CTNNBIP1: variants seen among roughly 807,000 people sequenced by gnomAD.
The protein encoded by CTNNBIP1 is catenin beta interacting protein 1.
Under a neutral mutation model 11.8 loss-of-function variants are expected in CTNNBIP1, and 7 were observed. The ratio of observed to expected loss-of-function variants is 0.60; its 90% CI spans 0.34 to 1.12. CTNNBIP1 has a LOEUF of 1.12. Among genes scored for constraint, CTNNBIP1 ranks in the 50% most tolerant of loss-of-function variants. CTNNBIP1 has a pLI of 0.03. For synonymous variants in CTNNBIP1, 58 were observed against 43.9 expected, an observed-to-expected ratio of 1.32 and a Z score of -1.26; for missense variants, 101 against 113.4, an observed-to-expected ratio of 0.89 and a Z score of 0.50.
At chr1:9,859,520 T>A (rs1250878303) in intron 5 of CTNNBIP1, among the ~76,000 whole-genome samples, 2 of 152,190 alleles carry the variant, frequency 1.3e-5, no homozygotes, top group Non-Finnish European at 2.9e-5. Context: ...GAAAGCCTCC[T>A]GGGGGCCTCT....
At chr1:9,860,415 A>AC (rs1265270535) in intron 5 of CTNNBIP1, among the ~76,000 whole-genome samples, 1 of 142,022 alleles carries the variant, frequency 7.0e-6, no homozygotes, top group African/African-American at 2.6e-5. Flanking sequence ...ACATGGTGAA[A>AC]CCCCGTCTCT....
At chr1:9,864,556 C>T (rs1224418463) in intron 5 of CTNNBIP1, among the ~76,000 whole-genome samples, 1 of 152,174 alleles carries the variant, frequency 6.6e-6, no homozygotes, top group Non-Finnish European at 1.5e-5. Context: ...TCTCAATCTC[C>T]TGACCTCGTG....
chr1:9,852,765 G>T (rs182629376), intron 5 of CTNNBIP1, among the ~76,000 whole-genome samples: 1 of 152,190 alleles, frequency 6.6e-6, no homozygotes, highest in Non-Finnish European at 1.5e-5. Context: ...GTGGCAGCCC[G>T]CTCACTCCTC....
chr1:9,857,692 T>C (rs563094785), intron 5 of CTNNBIP1, among the ~76,000 whole-genome samples: 2 of 152,096 alleles, frequency 1.3e-5, no homozygotes, highest in Admixed American at 6.6e-5. Context: ...TCCCAGCTAC[T>C]GGGGAGGCTG....
chr1:9,884,257 AC>A (rs1639139636), intron 1 of CTNNBIP1, among the ~76,000 whole-genome samples: 1 of 152,098 alleles, frequency 6.6e-6, no homozygotes, highest in African/African-American at 2.4e-5. Context: ...TCCCCAGCCC[AC>A]AGCAGGGAGG....
intron 5 of CTNNBIP1, among the ~76,000 whole-genome samples, chr1:9,866,107 A>G (rs1329976093): frequency 1.3e-5 from 2 of 152,260 alleles, no homozygotes; most frequent in Admixed American, 1.3e-4. Flanking sequence ...CCACAGTTCC[A>G]AGCTCAAGGA....
rs1638882554 is a variant in CTNNBIP1 at position 9,872,375 on chromosome 1, A to C, written c.-24-287T>G. Among the ~76,000 whole-genome samples the C allele has an allele frequency of 1.3e-5, 2 of 152,194 alleles. No individual in the cohort carries two copies. The highest frequency in any genetic ancestry group is 1.3e-4 in the Admixed American group (2 of 15,282). On this transcript the variant is annotated intron_variant, in intron 3 of 5. Transcript: ENST00000377263. The surrounding 1 kb of genome is among the most constrained non-coding windows in gnomAD (Gnocchi z 4.0). ...GTCCAGGAAAACTGAGATGACCTGG[A>C]CTGCTGGTTGTTTCTACCTGTGAAT...
intron 5 of CTNNBIP1, among the ~76,000 whole-genome samples, chr1:9,865,211 AGAGT>A (rs779689117): frequency 4.6e-5 from 7 of 151,458 alleles, no homozygotes; most frequent in Non-Finnish European, 1.0e-4. Context: ...CCTGGGCAAC[AGAGT>A]GAGACTCTGT....
At position 9,850,675 on chromosome 1, in the gene CTNNBIP1, C is replaced by G; in HGVS notation, c.*43G>C. 1 of 1,593,590 alleles carries G rather than the reference C, an allele frequency of 6.3e-7. No individual in the cohort carries two copies. Among genetic ancestry groups the G allele is most frequent in the Non-Finnish European group, 8.6e-7 (1 of 1,161,486 alleles). ...GCCGGCCCAGGAGCCACACAGATCT[C>G]TTGGCCCTCAACAGCATCCAGGGTG... On this transcript the variant is annotated 3_prime_UTR_variant, in exon 6 of 6. Transcript: ENST00000377263.
chr1:9,908,854 A>G (rs1174401293), intron 1 of CTNNBIP1, among the ~76,000 whole-genome samples: 2 of 152,236 alleles, frequency 1.3e-5, no homozygotes, highest in Admixed American at 6.5e-5. Flanking sequence ...GGTGCCTGGC[A>G]CATAGTAAAT....
intron 3 of CTNNBIP1, among the ~76,000 whole-genome samples, chr1:9,874,348 G>A (rs1638922129): frequency 6.6e-6 from 1 of 152,164 alleles, no homozygotes; most frequent in Admixed American, 6.5e-5. Flanking sequence ...CTGAACTCCT[G>A]GGCTTAAGCG....
chr1:9,850,805 T>C (rs752348785), intron 5 of CTNNBIP1, 29 bp from the exon 6 acceptor site: 1 of 1,610,810 alleles, frequency 6.2e-7, no homozygotes, highest in Non-Finnish European at 8.5e-7. Flanking sequence ...GGATCGCTGA[T>C]GGGGCTTGCA....
chr1:9,882,669 G>A (rs1458876033), intron 2 of CTNNBIP1, among the ~76,000 whole-genome samples: 2 of 152,126 alleles, frequency 1.3e-5, no homozygotes, highest in African/African-American at 4.8e-5. Flanking sequence ...AGGAGAGGAG[G>A]GGGAGCAGCC....
intron 5 of CTNNBIP1, among the ~76,000 whole-genome samples, chr1:9,865,228 CAAAAAAA>C (rs34199460): frequency 1.2e-5 from 1 of 86,488 alleles, no homozygotes; most frequent in East Asian, 3.3e-4. Flanking sequence ...GACTCTGTCT[CAAAAAAA>C]AAAAAAAAAG....
chr1:9,876,928 G>A (rs1450151850), intron 3 of CTNNBIP1, among the ~76,000 whole-genome samples: 1 of 151,446 alleles, frequency 6.6e-6, no homozygotes, highest in Non-Finnish European at 1.5e-5. Context: ...AGCTTGGCTG[G>A]TCAGGAAAGG....
At chr1:9,866,340 C>T (rs991190476) in intron 5 of CTNNBIP1, among the ~76,000 whole-genome samples, 22 of 152,200 alleles carry the variant, frequency 1.4e-4, no homozygotes, top group Non-Finnish European at 3.1e-4. Context: ...AGGTCTTGCT[C>T]ACCAAGCTAA....
intron 1 of CTNNBIP1, among the ~76,000 whole-genome samples, chr1:9,889,830 G>A (rs1639264726): frequency 6.6e-6 from 1 of 152,228 alleles, no homozygotes; most frequent in African/African-American, 2.4e-5. Flanking sequence ...AGTAGAGGGA[G>A]TGATATATTT....
intron 5 of CTNNBIP1, among the ~76,000 whole-genome samples, chr1:9,859,852 G>A (rs1433418108): frequency 6.6e-6 from 1 of 152,188 alleles, no homozygotes; most frequent in Non-Finnish European, 1.5e-5. Context: ...CAGGCCACAT[G>A]GGTGAAATGT....
chr1:9,900,239 CA>C (rs1322876889), intron 1 of CTNNBIP1, among the ~76,000 whole-genome samples: 1 of 151,492 alleles, frequency 6.6e-6, no homozygotes, highest in Non-Finnish European at 1.5e-5. Flanking sequence ...ACTAAAAATA[CA>C]AAAAATTAGC....
Sources: allele counts gnomAD v4.1 joint callset (sites outside exome capture counted in the v4.1 genomes callset), GRCh38; gene constraint gnomAD v4.1.1; non-coding constraint Gnocchi (gnomAD v3.1); transcripts MANE v1.5; gene names NCBI Gene and HGNC (gene_info 2026-07-23, HGNC 2026-07-21).